The following SLC16A4 variants were observed in gnomAD, a reference collection of about 807,000 sequenced individuals.
The protein encoded by SLC16A4 is probable monocarboxylate transporter 5.
SLC16A4 carries 39 observed loss-of-function variants against 47.9 expected under a neutral mutation model. The observed-to-expected ratio is 0.81, with a 90% confidence interval of 0.63 to 1.06. The LOEUF is 1.06. SLC16A4 is among the 50% of genes least tolerant of loss of function. SLC16A4 has a pLI of 0.00. For synonymous variants in SLC16A4, 189 were observed against 199.9 expected, an observed-to-expected ratio of 0.95 and a Z score of 0.46; for missense variants, 524 against 573.8, an observed-to-expected ratio of 0.91 and a Z score of 0.89.
chr1:110,363,325 A>G lies in SLC16A4; in HGVS notation c.*441T>C. The G allele has an allele frequency of 6.6e-6, 1 of 152,352 alleles. No homozygotes were observed. Among genetic ancestry groups the G allele is most frequent in the East Asian group, 1.9e-4 (1 of 5,200 alleles). The allele number at this position is 152,352 out of a possible 1,614,324, so 9.4% of individuals were successfully genotyped here. A position where few individuals can be genotyped will look rare whatever the true frequency, so the allele number is the denominator to read the frequency against. On this transcript the variant is annotated 3_prime_UTR_variant, in exon 9 of 9. Coordinates refer to ENST00000369779, the MANE Select transcript of SLC16A4 (RefSeq NM_004696.3). ...CATTTCTCAGAATGCTAAAGCAAGA[A>G]GGAACCTTAAAAACTTATCTGGCCG...
intron 8 of SLC16A4, chr1:110,370,663 T>C (rs890177565): frequency 1.3e-5 from 2 of 152,180 alleles, no homozygotes; most frequent in African/African-American, 4.8e-5. Context: ...CGGTAAATAA[T>C]AGAGAGAGAC....
At chr1:110,380,853 C>T in intron 5 of SLC16A4, 129 bp downstream of exon 5, 1 of 771,520 alleles carries the variant, frequency 1.3e-6, no homozygotes, top group Non-Finnish European at 2.2e-6. Context: ...AGAAATTATG[C>T]TCATTTCCTC....
Position 110,377,098 on chromosome 1 carries a change from T to G in SLC16A4, c.1094A>C (p.Lys365Thr), listed in dbSNP as rs145550009. 39 of 1,614,150 alleles carry G rather than the reference T, an allele frequency of 2.4e-5. No homozygotes were observed. The African/African-American group carries it at 3.7e-4, about 15-fold the overall frequency. ...GAGGTAAGACTTGTGGTAATGATAC[T>G]TCTTAATCCAGTTTTGATCAGCAAC... Reference protein sequence around the residue: ...GWVADQNWIKKYHYHKSYLIL... With the variant: ...GWVADQNWIKTYHYHKSYLIL... The change falls in exon 7 of 9, where the codon AAG (lysine) becomes ACG (threonine). Residue 365 changes from lysine to threonine, a missense_variant. Transcript: ENST00000369779.
At chr1:110,382,498 G>A (rs1420873633) in intron 3 of SLC16A4, among the ~76,000 whole-genome samples, 1 of 151,982 alleles carries the variant, frequency 6.6e-6, no homozygotes, top group Non-Finnish European at 1.5e-5. Flanking sequence ...AATATACTTA[G>A]ATAACTAGAA....
chr1:110,380,362 C>T (rs1315495434), intron 5 of SLC16A4, among the ~76,000 whole-genome samples: 1 of 152,114 alleles, frequency 6.6e-6, no homozygotes, highest in Non-Finnish European at 1.5e-5. Context: ...CATATGAATA[C>T]ACACATATAC....
chr1:110,380,936 G>C, intron 5 of SLC16A4, 46 bp downstream of exon 5: 1 of 1,549,952 alleles, frequency 6.5e-7, no homozygotes, highest in Non-Finnish European at 8.9e-7. Flanking sequence ...AAAGCTGAAC[G>C]CTAAATCTTG....
At chr1:110,390,620 C>A (rs1379603586) in intron 1 of SLC16A4, among the ~76,000 whole-genome samples, 1 of 152,074 alleles carries the variant, frequency 6.6e-6, no homozygotes, top group African/African-American at 2.4e-5. Context: ...TTCTCCCAAT[C>A]GGTTCCGTAA....
At chr1:110,382,721 TA>T in intron 3 of SLC16A4, 112 bp downstream of exon 3, 1 of 1,113,034 alleles carries the variant, frequency 9.0e-7, no homozygotes, top group Non-Finnish European at 1.2e-6. Context: ...TACATATCAG[TA>T]AATGAACCTT....
Position 110,384,339 on chromosome 1 carries a change from G to A in SLC16A4, c.88-1373C>T, listed in dbSNP as rs565954623. On this transcript the variant is annotated intron_variant, in intron 2 of 8. Transcript: ENST00000369779. ...ATTGAGACACTCAAGAGTGAAAAGGGGTGCTTAATTTTGGATTAACTGGGA... is the reference window on the plus strand; with the variant it reads ...ATTGAGACACTCAAGAGTGAAAAGGAGTGCTTAATTTTGGATTAACTGGGA... Among the ~76,000 whole-genome samples, 293 of 152,294 alleles carry A rather than the reference G, an allele frequency of 1.9e-3. 2 individuals carry two copies. Among genetic ancestry groups the A allele is most frequent in the Non-Finnish European group, 3.3e-3 (224 of 68,016 alleles).
chr1:110,385,032 A>G (rs1396373830), intron 2 of SLC16A4, among the ~76,000 whole-genome samples: 2 of 151,538 alleles, frequency 1.3e-5, no homozygotes, highest in Non-Finnish European at 2.9e-5. Context: ...TAATAAAAGA[A>G]CCACAAAGCC....
intron 3 of SLC16A4, 91 bp from the exon 4 acceptor site, chr1:110,381,886 G>T: frequency 8.4e-7 from 1 of 1,195,246 alleles, no homozygotes; most frequent in Non-Finnish European, 1.2e-6. Flanking sequence ...GACAAGGAAA[G>T]CAAGAGGACT....
At chr1:110,376,750 T>C (rs779569919) in intron 7 of SLC16A4, among the ~76,000 whole-genome samples, 200 bp downstream of exon 7, 1 of 152,170 alleles carries the variant, frequency 6.6e-6, no homozygotes, top group Non-Finnish European at 1.5e-5. Flanking sequence ...TCCTGTCCCA[T>C]GTGGATAGTC....
At chr1:110,385,077 C>A (rs933630373) in intron 2 of SLC16A4, among the ~76,000 whole-genome samples, 1 of 152,096 alleles carries the variant, frequency 6.6e-6, no homozygotes, top group Non-Finnish European at 1.5e-5. Flanking sequence ...CTTTCTCGGC[C>A]CGCCTGTTAC....
In SLC16A4 at chr1:110,378,893, C is replaced by A; in HGVS notation, c.990G>T (p.Gly330=). 1 of 1,613,944 alleles carries A rather than the reference C, an allele frequency of 6.2e-7. No homozygotes were observed. ...GGTAAGAGGCATCCATGATGTCAAT[C>A]CCCAGTGTTTTGGCTCTGGCTACCA... ...FHLVARAKTL[G]IDIMDASYLV... The change falls in exon 6 of 9, where the codon GGG becomes GGT. Residue 330 remains glycine (G), a synonymous_variant. Transcript: ENST00000369779.
chr1:110,390,640 G>A (rs968914837), intron 1 of SLC16A4, among the ~76,000 whole-genome samples: 3 of 152,200 alleles, frequency 2.0e-5, no homozygotes, highest in African/African-American at 7.2e-5. Flanking sequence ...AAATAAACAA[G>A]TGTATATAAA....
At chr1:110,373,336 G>T (rs945072896) in intron 8 of SLC16A4, among the ~76,000 whole-genome samples, 1 of 152,134 alleles carries the variant, frequency 6.6e-6, no homozygotes, top group Non-Finnish European at 1.5e-5. Flanking sequence ...AGCCAATGAA[G>T]AAGGATCAAG....
chr1:110,377,522 T>C (rs1662073752), intron 6 of SLC16A4, among the ~76,000 whole-genome samples: 2 of 152,114 alleles, frequency 1.3e-5, no homozygotes, highest in South Asian at 4.1e-4. Flanking sequence ...GAAAATGAAG[T>C]TTCTAAAAGA....
Position 110,363,772 on chromosome 1 carries a change from C to A in SLC16A4, c.1458G>T (p.Leu486=). 1 of 1,605,928 alleles carries A rather than the reference C, an allele frequency of 6.2e-7. No individual in the cohort carries two copies. Among genetic ancestry groups the A allele is most frequent in the South Asian group, 1.1e-5 (1 of 88,936 alleles). The part of the protein sequence containing the change: ...VPLAERWKNS[L]T ...GATTGCAGTCTTCTTTCTTTCAGGT[C>A]AGACTGTTTTTCCATCTTTCGGCCA... The change falls in exon 9 of 9, where the codon CTG becomes CTT. Residue 486 remains leucine, a synonymous_variant. Transcript: ENST00000369779.
At chr1:110,388,879 T>C (rs2101084056) in intron 2 of SLC16A4, among the ~76,000 whole-genome samples, 1 of 152,266 alleles carries the variant, frequency 6.6e-6, no homozygotes. Context: ...CTCAGCTAAT[T>C]TTTGTATTTT....
Sources: allele counts gnomAD v4.1 joint callset (sites outside exome capture counted in the v4.1 genomes callset), GRCh38; gene constraint gnomAD v4.1.1; transcripts MANE v1.5; gene names NCBI Gene and HGNC (gene_info 2026-07-23, HGNC 2026-07-21).